NRXN3: variants seen among roughly 807,000 people sequenced by gnomAD.
NRXN3 encodes the protein neurexin III.
In NRXN3, 32 loss-of-function variants were observed where a neutral mutation model predicts 137.6. The ratio of observed to expected loss-of-function variants is 0.23; its 90% confidence interval spans 0.18 to 0.31. The LOEUF is 0.31. Ranked by LOEUF, NRXN3 falls within the 10% of genes least tolerant of loss-of-function variation. The pLI is 1.00. For synonymous variants in NRXN3, 798 were observed against 784.5 expected, an observed-to-expected ratio of 1.02 and a Z score of -0.29; for missense variants, 1,574 against 2,062.5, an observed-to-expected ratio of 0.76 and a Z score of 4.59.
chr14:79,391,614 A>G (rs34848585), intron 15 of NRXN3, among the ~76,000 whole-genome samples: 47,995 of 152,126 alleles, frequency 0.32, 8,274 homozygotes, highest in Middle Eastern at 0.54. Flanking sequence ...CTAAAGGGTG[A>G]GCTGTATCAA....
At chr14:79,470,080 A>G (rs1279360763) in intron 16 of NRXN3, among the ~76,000 whole-genome samples, 4 of 152,180 alleles carry the variant, frequency 2.6e-5, no homozygotes, top group African/African-American at 9.7e-5. Flanking sequence ...TACTAAAGAA[A>G]ATTACTGAAG....
At chr14:79,818,736 TGGG>T (rs1480892595) in intron 20 of NRXN3, among the ~76,000 whole-genome samples, 1 of 152,218 alleles carries the variant, frequency 6.6e-6, no homozygotes, top group Non-Finnish European at 1.5e-5. Flanking sequence ...ACACTTTTTG[TGGG>T]TCTTTGAGTT....
In NRXN3 at chr14:78,219,274, C is replaced by T. The variant is rs796481735; in HGVS notation, c.-703-23117C>T. On this transcript the variant is annotated intron_variant, in intron 1 of 20. Transcript: ENST00000335750. ...TGACATCTGATGCTGAGATTTTTAA[C>T]CCAATGTTAAATTTAAAGTTAGTAG... 4.6e-5 allele frequency among the ~76,000 whole-genome samples: 7 copies of T among 152,176 alleles called. No homozygotes were observed. The East Asian group carries it at 1.4e-3, about 29-fold the overall frequency.
intron 19 of NRXN3, among the ~76,000 whole-genome samples, chr14:79,767,660 A>C (rs879873306): frequency 6.6e-6 from 1 of 152,236 alleles, no homozygotes; most frequent in African/African-American, 2.4e-5. Flanking sequence ...CTTAATTCTC[A>C]TAACAGTCCC....
chr14:79,345,112 T>A (rs1050257346), intron 15 of NRXN3, among the ~76,000 whole-genome samples: 1 of 152,124 alleles, frequency 6.6e-6, no homozygotes, highest in Non-Finnish European at 1.5e-5. Flanking sequence ...TATTAAATTC[T>A]TTTTTTGGGT....
At chr14:79,705,403 G>A (rs941137064) in intron 19 of NRXN3, among the ~76,000 whole-genome samples, 46 of 152,268 alleles carry the variant, frequency 3.0e-4, no homozygotes, top group Admixed American at 2.9e-3. Context: ...CACAGAGCAA[G>A]AAGAAGGGTG....
At chr14:79,593,137 G>GA (rs980544868) in intron 16 of NRXN3, among the ~76,000 whole-genome samples, 47 of 149,468 alleles carry the variant, frequency 3.1e-4, no homozygotes, top group Middle Eastern at 3.2e-3. Flanking sequence ...GAGAATCATT[G>GA]AAAAAAAAAC....
rs566412825 is a variant in NRXN3 at position 79,746,294 on chromosome 14, G to C, written c.4014+48357G>C. ...GGACATGCCTAGAAATCTGCTTTTT[G>C]ACAACTGCCCAGTTCAATTTTATGA... On this transcript the variant is annotated intron_variant, in intron 19 of 20. Coordinates refer to ENST00000335750, the MANE Select transcript of NRXN3 (RefSeq NM_001330195.2). Among the ~76,000 whole-genome samples, 17 of 152,236 alleles carry C rather than the reference G, an allele frequency of 1.1e-4. No individual in the cohort carries two copies. In the South Asian group the frequency reaches 3.5e-3, roughly 32 times the overall value.
At chr14:78,887,294 T>G (rs773130533) in intron 10 of NRXN3, among the ~76,000 whole-genome samples, 3 of 152,132 alleles carry the variant, frequency 2.0e-5, no homozygotes, top group Non-Finnish European at 4.4e-5. Context: ...CAGTTTTGAC[T>G]GAGCTCAAAG....
chr14:78,415,102 A>G (rs1465130138), intron 4 of NRXN3, among the ~76,000 whole-genome samples: 1 of 152,208 alleles, frequency 6.6e-6, no homozygotes, highest in Non-Finnish European at 1.5e-5. Context: ...AGACTTGAGA[A>G]ACAGCTCTAA....
At chr14:79,230,433 T>A (rs972858709) in intron 15 of NRXN3, among the ~76,000 whole-genome samples, 1 of 152,178 alleles carries the variant, frequency 6.6e-6, no homozygotes, top group Non-Finnish European at 1.5e-5. Flanking sequence ...TCCTCAAGAA[T>A]GTTGAAGCAA....
intron 16 of NRXN3, among the ~76,000 whole-genome samples, chr14:79,554,823 C>T (rs972576517): frequency 6.6e-5 from 10 of 152,124 alleles, no homozygotes; most frequent in Non-Finnish European, 1.3e-4. Flanking sequence ...AGATATATTC[C>T]TAGCCTCCCA....
At chr14:79,468,335 T>C (rs2096456905) in intron 16 of NRXN3, among the ~76,000 whole-genome samples, 2 of 152,244 alleles carry the variant, frequency 1.3e-5, no homozygotes, top group Non-Finnish European at 2.9e-5. Flanking sequence ...AGAGATATGA[T>C]TCTCATCCAT....
At chr14:78,989,592 A>C (rs375426186) in intron 15 of NRXN3, among the ~76,000 whole-genome samples, 2 of 152,174 alleles carry the variant, frequency 1.3e-5, no homozygotes, top group Non-Finnish European at 2.9e-5. Context: ...TCATGTTGCC[A>C]TATTTATGAT....
At chr14:78,884,678 A>G (rs1021509755) in intron 10 of NRXN3, among the ~76,000 whole-genome samples, 4 of 152,216 alleles carry the variant, frequency 2.6e-5, no homozygotes, top group African/African-American at 7.2e-5. Flanking sequence ...ACCAAAATTA[A>G]GTTATATTAA....
chr14:78,622,866 T>G (rs2097419963), intron 4 of NRXN3, among the ~76,000 whole-genome samples: 1 of 152,228 alleles, frequency 6.6e-6, no homozygotes, highest in African/African-American at 2.4e-5. Context: ...GGTTTTGTAT[T>G]AAGCTCTTTT....
In NRXN3 at chr14:78,943,618, AAAAATATATATATAT is replaced by A. The variant is rs1234415824; in HGVS notation, c.2276-13622_2276-13608del. On this transcript the variant is annotated intron_variant, in intron 10 of 20. Coordinates refer to ENST00000335750, the MANE Select transcript of NRXN3 (RefSeq NM_001330195.2). ...AGAAGCAAGATCACTGTTAAAAAAA[AAAAATATATATATAT>A]ATATATATATATATATATATATATA... Among the ~76,000 whole-genome samples, 25 of 39,950 alleles carry A rather than the reference AAAAATATATATATAT, an allele frequency of 6.3e-4. 1 individual carries two copies. The highest frequency in any genetic ancestry group is 1.1e-3 in the South Asian group (1 of 926). The allele number at this position is 39,950 out of a possible 152,430, so 26.2% of individuals were successfully genotyped here.
intron 16 of NRXN3, among the ~76,000 whole-genome samples, chr14:79,615,628 G>A (rs1380624851): frequency 6.6e-6 from 1 of 152,130 alleles, no homozygotes; most frequent in Non-Finnish European, 1.5e-5. Context: ...ATGGTGGAAG[G>A]GGAAACAAAC....
At chr14:78,555,393 T>C (rs753631363) in intron 4 of NRXN3, among the ~76,000 whole-genome samples, 1 of 152,198 alleles carries the variant, frequency 6.6e-6, no homozygotes, top group Non-Finnish European at 1.5e-5. Flanking sequence ...TAGAATTGGC[T>C]CTAGAGCTAA....
Sources: gnomAD v4.1 joint callset for allele counts (sites outside exome capture counted in the v4.1 genomes callset) on GRCh38, gnomAD v4.1.1 for gene constraint, MANE v1.5 for transcripts, NCBI Gene and HGNC (gene_info 2026-07-23, HGNC 2026-07-21) for gene names.